CELF2: variants seen among roughly 807,000 people sequenced by gnomAD.
CELF2 encodes CUGBP Elav-like family member 2.
CELF2 carries 8 observed loss-of-function variants against 62.6 expected under a neutral mutation model. That is an observed-to-expected ratio of 0.13 (90% CI 0.07 to 0.23). The LOEUF is 0.23. Among genes scored for constraint, CELF2 ranks in the 10% least tolerant of loss-of-function variants. CELF2 has a pLI of 1.00. For synonymous variants in CELF2, 258 were observed against 250.0 expected (o/e 1.03, Z -0.30); for missense variants, 333 against 671.0 (o/e 0.50, Z 5.56).
intron 1 of CELF2, among the ~76,000 whole-genome samples, chr10:10,843,457 G>A (rs1227688976): frequency 6.6e-6 from 1 of 151,774 alleles, no homozygotes; most frequent in Non-Finnish European, 1.5e-5. Context: ...CACTGCTTTT[G>A]CTGCATGTCG....
the CELF2 span, among the ~76,000 whole-genome samples, chr10:10,742,178 T>A: frequency 6.6e-6 from 1 of 152,198 alleles, no homozygotes; most frequent in Non-Finnish European, 1.5e-5. Context: ...TTTCATTCAA[T>A]GTCATTTCAT....
At chr10:11,061,439 G>A (rs2066701667) in intron 1 of CELF2, among the ~76,000 whole-genome samples, 1 of 152,220 alleles carries the variant, frequency 6.6e-6, no homozygotes, top group Non-Finnish European at 1.5e-5. Context: ...AGAAGTACAA[G>A]GTGAAGCAGC....
intron 4 of CELF2, among the ~76,000 whole-genome samples, chr10:11,253,856 C>T (rs1209241793): frequency 6.6e-6 from 1 of 152,170 alleles, no homozygotes; most frequent in Non-Finnish European, 1.5e-5. Context: ...AAAAGCATTT[C>T]CCTGCCCTTA....
At chr10:11,212,948 A>G (rs770523958) in intron 2 of CELF2, among the ~76,000 whole-genome samples, 3 of 152,158 alleles carry the variant, frequency 2.0e-5, no homozygotes, top group Non-Finnish European at 4.4e-5. Flanking sequence ...CTTATTAGAT[A>G]GTGTCAAATG....
intron 1 of CELF2, among the ~76,000 whole-genome samples, chr10:11,099,755 G>A (rs1421235349): frequency 6.6e-6 from 1 of 151,910 alleles, no homozygotes; most frequent in Non-Finnish European, 1.5e-5. Flanking sequence ...TGTGTAAATT[G>A]CAGAATCTTT....
At chr10:10,621,575 G>C in the CELF2 span, among the ~76,000 whole-genome samples, 1 of 152,100 alleles carries the variant, frequency 6.6e-6, no homozygotes, top group African/African-American at 2.4e-5. Context: ...CTTTCTGAAG[G>C]GTACCCACAT....
intron 2 of CELF2, chr10:10,935,424 G>A (rs1379113936): frequency 6.6e-6 from 1 of 152,198 alleles, no homozygotes; most frequent in East Asian, 1.9e-4. Flanking sequence ...CTATAAAAGA[G>A]CAGAGATGAG....
chr10:10,717,973 T>C, the CELF2 span, among the ~76,000 whole-genome samples: 2 of 152,104 alleles, frequency 1.3e-5, no homozygotes, highest in African/African-American at 4.8e-5. Flanking sequence ...GCTTATACAG[T>C]CAAATTAATG....
the CELF2 span, among the ~76,000 whole-genome samples, chr10:10,714,636 A>G: frequency 6.6e-6 from 1 of 152,166 alleles, no homozygotes; most frequent in East Asian, 1.9e-4. Flanking sequence ...CAGAATTACA[A>G]TCATCTCAGG....
In CELF2 at chr10:11,270,896, G is replaced by A. The variant is rs932014740; in HGVS notation, c.777+72G>A. ...GCAAACTGACTTTTCCCCTCCCTAC[G>A]CTGAGGCATTTGTTTTCAGTACATT... is the stretch of plus-strand genomic sequence containing the variant. On this transcript the variant is annotated intron_variant, in intron 7 of 12. Transcript: ENST00000633077. This position sits in a 1 kb window ranked among gnomAD's most constrained non-coding sequence, Gnocchi z 5.8. The A allele has an allele frequency of 4.0e-5, 50 of 1,256,246 alleles. No homozygotes were observed. In the Middle Eastern group the frequency reaches 1.6e-3, roughly 41 times the overall value. 77.8% of individuals were successfully genotyped at this position (1,256,246 alleles called of 1,614,324 possible). A position where few individuals can be genotyped will look rare whatever the true frequency, so the allele number is the denominator to read the frequency against.
the CELF2 span, among the ~76,000 whole-genome samples, chr10:10,503,664 T>A: frequency 6.6e-6 from 1 of 151,994 alleles, no homozygotes; most frequent in South Asian, 2.1e-4. Flanking sequence ...TTAAATTCAC[T>A]CTGCCAATCT....
intron 1 of CELF2, among the ~76,000 whole-genome samples, chr10:11,153,541 G>T (rs1026135285): frequency 6.6e-6 from 1 of 152,118 alleles, no homozygotes; most frequent in Non-Finnish European, 1.5e-5. Context: ...CGCTTTGTGT[G>T]TGTAGGAGTA....
the CELF2 span, among the ~76,000 whole-genome samples, chr10:10,611,488 A>G: frequency 6.6e-6 from 1 of 152,182 alleles, no homozygotes; most frequent in South Asian, 2.1e-4. Flanking sequence ...AGAACCCGTA[A>G]GTCACCAACA....
intron 2 of CELF2, among the ~76,000 whole-genome samples, chr10:10,982,679 T>C (rs2052286045): frequency 6.6e-6 from 1 of 152,178 alleles, no homozygotes; most frequent in Non-Finnish European, 1.5e-5. Context: ...GGGAAGAAGT[T>C]GGTTCCCTTC....
At chr10:10,655,327 C>T in the CELF2 span, among the ~76,000 whole-genome samples, 1 of 128,692 alleles carries the variant, frequency 7.8e-6, no homozygotes, top group African/African-American at 2.9e-5. Context: ...ATGCCATCCC[C>T]ATCAAGCTAC....
chr10:11,214,464 G>A lies in CELF2; in HGVS notation c.272-2961G>A, dbSNP rs1336499526. On this transcript the variant is annotated intron_variant, in intron 2 of 12. Transcript: ENST00000633077. This position sits in a 1 kb window ranked among gnomAD's most constrained non-coding sequence, Gnocchi z 4.2. ...TGTGTAAGTTGCTAATTGCACAAGG[G>A]TATCCTACTGAGGCCGTGAATAGAG... is the stretch of plus-strand genomic sequence containing the variant. Among the ~76,000 whole-genome samples, 2 of 152,190 alleles carry A rather than the reference G, an allele frequency of 1.3e-5. No homozygotes were observed. The highest frequency in any genetic ancestry group is 2.9e-5 in the Non-Finnish European group (2 of 68,028).
At chr10:11,092,011 A>G (rs909511333) in intron 1 of CELF2, among the ~76,000 whole-genome samples, 1 of 152,186 alleles carries the variant, frequency 6.6e-6, no homozygotes, top group South Asian at 2.1e-4. Flanking sequence ...TAAAACCATA[A>G]CCATTGGGAT....
At chr10:10,585,983 C>A in the CELF2 span, among the ~76,000 whole-genome samples, 1 of 152,156 alleles carries the variant, frequency 6.6e-6, no homozygotes, top group Non-Finnish European at 1.5e-5. Context: ...ACTTGCAACT[C>A]ACATTTACTA....
At chr10:10,574,418 A>G in the CELF2 span, among the ~76,000 whole-genome samples, 1 of 152,292 alleles carries the variant, frequency 6.6e-6, no homozygotes, top group South Asian at 2.1e-4. Flanking sequence ...CAGGTTAAGG[A>G]AAAAAGCGAA....
Sources: gnomAD v4.1 joint callset for allele counts (sites outside exome capture counted in the v4.1 genomes callset) on GRCh38, gnomAD v4.1.1 for gene constraint, Gnocchi (gnomAD v3.1) non-coding constraint, MANE v1.5 for transcripts, NCBI Gene and HGNC (gene_info 2026-07-23, HGNC 2026-07-21) for gene names.